FBLIM1: variants seen among roughly 807,000 people sequenced by gnomAD.
FBLIM1 encodes filamin binding LIM protein 1.
A neutral mutation model predicts 37.4 loss-of-function variants in FBLIM1; 29 were observed. That is an observed-to-expected ratio of 0.77 (90% CI 0.58 to 1.06). The LOEUF is 1.06. FBLIM1 is among the 50% of genes least tolerant of loss of function. FBLIM1 has a pLI of 0.00. For synonymous variants in FBLIM1, 193 were observed against 199.0 expected, an observed-to-expected ratio of 0.97 and a Z score of 0.25; for missense variants, 449 against 505.6, an observed-to-expected ratio of 0.89 and a Z score of 1.07.
intron 4 of FBLIM1, 121 bp from the exon 5 acceptor site, chr1:15,768,407 G>C: frequency 1.7e-6 from 1 of 588,710 alleles, no homozygotes; most frequent in Non-Finnish European, 2.8e-6. Flanking sequence ...TGCTTCCCTG[G>C]GCCTTGGTTT....
At chr1:15,775,556 G>A (rs1413847328) in intron 7 of FBLIM1, among the ~76,000 whole-genome samples, 1 of 151,298 alleles carries the variant, frequency 6.6e-6, no homozygotes, top group Non-Finnish European at 1.5e-5. Flanking sequence ...AAAAGAAAAG[G>A]ATATTACAGC....
In FBLIM1 at chr1:15,770,397, C is replaced by G; in HGVS notation, c.542-12C>G. ...GCTGGGCTGGTGATGGCCTGTGTCT[C>G]CCCTACCCCAGACATCTGTGCCTTC... On this transcript the variant is annotated splice_polypyrimidine_tract_variant and intron_variant, in intron 5 of 8. Transcript: ENST00000375766. 3 of 1,610,696 alleles carry G rather than the reference C, an allele frequency of 1.9e-6. No individual in the cohort carries two copies. The highest frequency in any genetic ancestry group is 8.5e-7 in the Non-Finnish European group (1 of 1,178,852).
intron 1 of FBLIM1, among the ~76,000 whole-genome samples, chr1:15,763,996 A>G (rs2068800546): frequency 1.3e-5 from 2 of 152,204 alleles, no homozygotes; most frequent in Non-Finnish European, 2.9e-5. Context: ...GATCAGGGTT[A>G]GGAGGTGAGA....
At chr1:15,766,403 TCTC>T (rs2068926010) in intron 3 of FBLIM1, among the ~76,000 whole-genome samples, 1 of 151,980 alleles carries the variant, frequency 6.6e-6, no homozygotes, top group South Asian at 2.1e-4. Flanking sequence ...TTCAAGCAGT[TCTC>T]CTGCCTCAGC....
rs187857636 is a variant in FBLIM1 at position 15,771,760 on chromosome 1, G to A, written c.711+1182G>A. ...TCTGAAAGCCTCTTTTGCCGGGCAA[G>A]GTAACATTCGGGGTCCAGAGATAAG... On this transcript the variant is annotated intron_variant, in intron 6 of 8. Transcript: ENST00000375766. Among the ~76,000 whole-genome samples, 4 of 151,942 alleles carry A rather than the reference G, an allele frequency of 2.6e-5. No individual in the cohort carries two copies. In the East Asian group the frequency reaches 7.7e-4, roughly 29 times the overall value.
In FBLIM1 at chr1:15,768,650, AG is replaced by A. The variant is rs1214110963; in HGVS notation, c.541+22del. On this transcript the variant is annotated intron_variant, in intron 5 of 8. Transcript: ENST00000375766. ...CCACAGGTAGGTGCACAGGGCTGAG[AG>A]GATACTGGGGTGATCTCATGGGGCC... 1 of 1,592,084 alleles carries A rather than the reference AG, an allele frequency of 6.3e-7. No homozygotes were observed. Among genetic ancestry groups the A allele is most frequent in the East Asian group, 2.3e-5 (1 of 44,236 alleles).
intron 4 of FBLIM1, 101 bp downstream of exon 4, chr1:15,767,664 TTGTC>T (rs1281887679): frequency 1.5e-5 from 8 of 520,168 alleles, no homozygotes; most frequent in Admixed American, 4.1e-5. Context: ...AACCTGGACT[TTGTC>T]TGGTGCATTC....
At chr1:15,762,408 G>A (rs190502471) in intron 1 of FBLIM1, among the ~76,000 whole-genome samples, 3 of 152,078 alleles carry the variant, frequency 2.0e-5, no homozygotes, top group East Asian at 1.9e-4. Flanking sequence ...GATAACAGGC[G>A]TCTGCCACCA....
At chr1:15,769,057 C>T (rs528407306) in intron 5 of FBLIM1, among the ~76,000 whole-genome samples, 43 of 152,276 alleles carry the variant, frequency 2.8e-4, no homozygotes, top group South Asian at 6.2e-4. Context: ...TATGCACATA[C>T]GAGCAAATAC....
At chr1:15,781,711 T>C (rs1225172930) in intron 8 of FBLIM1, among the ~76,000 whole-genome samples, 1 of 146,658 alleles carries the variant, frequency 6.8e-6, no homozygotes, top group East Asian at 2.0e-4. Flanking sequence ...TATATGTAGG[T>C]AGTATTGTTT....
chr1:15,783,454 CCT>C (rs2069693258), intron 8 of FBLIM1, among the ~76,000 whole-genome samples: 1 of 152,016 alleles, frequency 6.6e-6, no homozygotes, highest in Admixed American at 6.6e-5. Context: ...TGGTATCCCA[CCT>C]GTGAAATGAA....
rs1432567401 is a variant in FBLIM1, at chr1:15,758,948, G to T, written c.-211+100G>T. The T allele has an allele frequency of 6.6e-6, 1 of 152,158 alleles. No homozygotes were observed. The highest frequency in any genetic ancestry group is 1.5e-5 in the Non-Finnish European group (1 of 68,058). 9.4% of individuals were successfully genotyped at this position (152,158 alleles called of 1,614,324 possible). A position where few individuals can be genotyped will look rare whatever the true frequency, so the allele number is the denominator to read the frequency against. ...GTGCTCGGCCGGAGCCTGCTCGGTC[G>T]CCAGCCGGGACCCCCGGCGCGGCGC... On this transcript the variant is annotated intron_variant, in intron 1 of 8. Transcript: ENST00000375766. The surrounding 1 kb of genome is among the most constrained non-coding windows in gnomAD (Gnocchi z 6.2).
rs767664437 is a variant in FBLIM1 at position 15,784,509 on chromosome 1, A to G, written c.1009-39A>G. The G allele has an allele frequency of 5.8e-5, 89 of 1,537,950 alleles. 1 individual carries two copies. The South Asian group carries it at 9.7e-4, about 17-fold the overall frequency. ...TCCCTCCCCTGTGCAGGCAGCGCCCAGGCCCAGGGCGGGTCAGCATGTGTC... is the reference window on the plus strand; with the variant it reads ...TCCCTCCCCTGTGCAGGCAGCGCCCGGGCCCAGGGCGGGTCAGCATGTGTC... On this transcript the variant is annotated intron_variant, in intron 8 of 8. Coordinates refer to ENST00000375766, the MANE Select transcript of FBLIM1 (RefSeq NM_017556.4).
In FBLIM1 at chr1:15,768,620, G is replaced by T; in HGVS notation, c.531G>T (p.Gly177=). Residue 177 remains glycine, a synonymous_variant, in exon 5 of 9, where the codon GGG becomes GGT. Coordinates refer to ENST00000375766, the MANE Select transcript of FBLIM1 (RefSeq NM_017556.4). The part of the protein sequence containing the change: ...PPPPAEPVEK[G]ASTDICAFCH... ...CCCCGGCAGAACCTGTTGAGAAAGG[G>T]GCATCCACAGGTAGGTGCACAGGGC... 1.2e-6 allele frequency: 2 copies of T among 1,610,780 alleles called. No individual in the cohort carries two copies. The highest frequency in any genetic ancestry group is 1.7e-6 in the Non-Finnish European group (2 of 1,178,938).
intron 1 of FBLIM1, among the ~76,000 whole-genome samples, chr1:15,760,781 T>C (rs912529574): frequency 2.6e-5 from 4 of 152,006 alleles, no homozygotes; most frequent in Non-Finnish European, 5.9e-5. Flanking sequence ...TCTCCACTTA[T>C]CTAACTGGAT....
Position 15,774,657 on chromosome 1 carries a change from C to G in FBLIM1, c.751C>G (p.Arg251Gly). 1 of 1,613,904 alleles carries G rather than the reference C, an allele frequency of 6.2e-7. No homozygotes were observed. The highest frequency in any genetic ancestry group is 1.1e-5 in the South Asian group (1 of 91,056). Reference sequence around the variant, plus strand: ...GTGCGGCAAGTGTGGCGAGGTGGTCCGGGACCACATCATCAGGGCCCTGGG... The same window carrying G: ...GTGCGGCAAGTGTGGCGAGGTGGTCGGGGACCACATCATCAGGGCCCTGGG... Reference protein sequence around the residue: ...ERCGKCGEVVRDHIIRALGQA... With the variant: ...ERCGKCGEVVGDHIIRALGQA... The change falls in exon 7 of 9, where the codon CGG becomes GGG. Residue 251 changes from arginine (R) to glycine (G), a missense_variant. Coordinates refer to ENST00000375766, the MANE Select transcript of FBLIM1 (RefSeq NM_017556.4).
chr1:15,782,932 A>C (rs373965897), intron 8 of FBLIM1, among the ~76,000 whole-genome samples: 1 of 150,586 alleles, frequency 6.6e-6, no homozygotes, highest in Non-Finnish European at 1.5e-5. Context: ...AGTAGCTGGG[A>C]TTACAGGCAC....
chr1:15,767,365 C>T lies in FBLIM1; in HGVS notation c.251-11C>T. 1 of 1,562,332 alleles carries T rather than the reference C, an allele frequency of 6.4e-7. No individual in the cohort carries two copies. Among genetic ancestry groups the T allele is most frequent in the African/African-American group, 1.4e-5 (1 of 71,454 alleles). ...AGGCTCTGACCAGCCCTCTCTCCTC[C>T]CCCATTGCAGGATGCCCACCCCCTC... On this transcript the variant is annotated splice_polypyrimidine_tract_variant and intron_variant, in intron 3 of 8. Coordinates refer to ENST00000375766, the MANE Select transcript of FBLIM1 (RefSeq NM_017556.4).
chr1:15,757,414 A>C (rs2068468793), upstream of FBLIM1, among the ~76,000 whole-genome samples: 1 of 152,042 alleles, frequency 6.6e-6, no homozygotes, highest in Non-Finnish European at 1.5e-5. The surrounding 1 kb of genome is among the most constrained non-coding windows in gnomAD (Gnocchi z 4.1). Context: ...TGGGATTAGG[A>C]TGGGGATGAG....
Sources: allele counts gnomAD v4.1 joint callset (sites outside exome capture counted in the v4.1 genomes callset), GRCh38; gene constraint gnomAD v4.1.1; non-coding constraint Gnocchi (gnomAD v3.1); transcripts MANE v1.5; gene names NCBI Gene and HGNC (gene_info 2026-07-23, HGNC 2026-07-21).